The following CDH2 variants were observed in gnomAD, a reference collection of about 807,000 sequenced individuals.
The protein encoded by CDH2 is cadherin 2, also known as cadherin-2.
In CDH2, 17 loss-of-function variants were observed where a neutral mutation model predicts 92.0. The ratio of observed to expected loss-of-function variants is 0.18; its 90% CI spans 0.13 to 0.28. The LOEUF is 0.28. Among genes scored for constraint, CDH2 ranks in the 10% least tolerant of loss-of-function variants. The pLI is 1.00. For synonymous variants in CDH2, 419 were observed against 415.9 expected (o/e 1.01, Z -0.09); for missense variants, 862 against 1,133.1 (o/e 0.76, Z 3.44).
rs2012201335 is a variant in CDH2, at chr18:27,985,518, C to G, written c.1975+10G>C. ...CTGCACATATATTCAAATAATTAAC[C>G]TGTTCTTACCATTAAGCCGAGTGAT... On this transcript the variant is annotated intron_variant, in intron 12 of 15. Transcript: ENST00000269141. 1.3e-6 allele frequency: 2 copies of G among 1,549,004 alleles called. No homozygotes were observed. Among genetic ancestry groups the G allele is most frequent in the Non-Finnish European group, 1.8e-6 (2 of 1,123,214 alleles).
At chr18:27,958,333 A>G (rs994366507) in intron 15 of CDH2, among the ~76,000 whole-genome samples, 7 of 152,186 alleles carry the variant, frequency 4.6e-5, no homozygotes, top group African/African-American at 1.2e-4. Context: ...AGAAGCTTCC[A>G]TAAGTTTTAA....
intron 2 of CDH2, chr18:28,036,516 G>T: frequency 6.2e-7 from 1 of 1,607,412 alleles, no homozygotes; most frequent in Non-Finnish European, 8.5e-7. Flanking sequence ...ATTTCTCAGT[G>T]AAGATACACA....
At chr18:28,163,600 C>T (rs2016337115) in intron 1 of CDH2, among the ~76,000 whole-genome samples, 1 of 152,320 alleles carries the variant, frequency 6.6e-6, no homozygotes, top group African/African-American at 2.4e-5. Flanking sequence ...AAACTGAAAC[C>T]ACACACGCAA....
intron 10 of CDH2, 95 bp downstream of exon 10, chr18:27,990,002 A>G (rs764041076): frequency 2.5e-5 from 28 of 1,103,490 alleles, no homozygotes; most frequent in South Asian, 1.2e-4. Flanking sequence ...TTTGATTGCA[A>G]TGAAAATTTC....
chr18:27,950,361 T>A (rs1000141570), downstream of CDH2, among the ~76,000 whole-genome samples: 1 of 152,154 alleles, frequency 6.6e-6, no homozygotes, highest in Admixed American at 6.6e-5. Flanking sequence ...GAATGAATCA[T>A]AGTAAGATAC....
At chr18:27,998,817 G>A (rs985216269) in intron 7 of CDH2, among the ~76,000 whole-genome samples, 6 of 152,094 alleles carry the variant, frequency 3.9e-5, no homozygotes, top group East Asian at 1.9e-4. Flanking sequence ...ACAGGGTTTC[G>A]CCATGTGGCC....
At chr18:27,941,033 CTTTTTTT>C (rs59212895) in intron 6 of CDH2, among the ~76,000 whole-genome samples, 1 of 124,604 alleles carries the variant, frequency 8.0e-6, no homozygotes, top group African/African-American at 3.0e-5. Flanking sequence ...TAAGTAGCAC[CTTTTTTT>C]TTTTTTTTTT....
At position 28,033,446 on chromosome 18, in the gene CDH2, T is replaced by C. The variant is rs374084549; in HGVS notation, c.173-19537A>G. Among the ~76,000 whole-genome samples, 182 of 152,216 alleles carry C rather than the reference T, an allele frequency of 1.2e-3. 2 individuals carry two copies. The highest frequency in any genetic ancestry group is 4.2e-3 in the African/African-American group (173 of 41,562). On this transcript the variant is annotated intron_variant, in intron 2 of 15. Transcript: ENST00000269141. ...CACAAACTAAAGATCTAATTACTGATGCACACGAATTGGTTCACTGAATTT... is the reference window on the plus strand; with the variant it reads ...CACAAACTAAAGATCTAATTACTGACGCACACGAATTGGTTCACTGAATTT...
chr18:27,942,635 T>A (rs72894848), intron 6 of CDH2, among the ~76,000 whole-genome samples: 4 of 152,300 alleles, frequency 2.6e-5, no homozygotes, highest in Non-Finnish European at 4.4e-5. Context: ...CTATGCTGCA[T>A]AAAGAAACAG....
At chr18:28,010,874 T>A (rs2144031674) in intron 4 of CDH2, among the ~76,000 whole-genome samples, 1 of 151,210 alleles carries the variant, frequency 6.6e-6, no homozygotes, top group Middle Eastern at 3.5e-3. Context: ...ATGGTCTTGA[T>A]CTCCTGACCT....
In CDH2 at chr18:27,991,815, C is replaced by T. The variant is rs2012426081; in HGVS notation, c.1344+840G>A. Among the ~76,000 whole-genome samples, 4 of 152,294 alleles carry T rather than the reference C, an allele frequency of 2.6e-5. No individual in the cohort carries two copies. The South Asian group carries it at 8.3e-4, about 32-fold the overall frequency. ...ATTATTGGCAACTGGCACTTTAGCA[C>T]ATCTTTCTATGTAAGGTCAATATTT... On this transcript the variant is annotated intron_variant, in intron 9 of 15. Transcript: ENST00000269141.
chr18:28,083,918 T>C (rs2014878308), intron 2 of CDH2, among the ~76,000 whole-genome samples: 1 of 152,106 alleles, frequency 6.6e-6, no homozygotes, highest in African/African-American at 2.4e-5. Context: ...GGAGGGTAAG[T>C]ATTTTGGTTT....
chr18:28,134,224 T>G (rs988708137), intron 2 of CDH2, among the ~76,000 whole-genome samples: 11 of 150,434 alleles, frequency 7.3e-5, no homozygotes, highest in Admixed American at 6.6e-4. Flanking sequence ...GAGCCAAGAC[T>G]GTGCCACTGC....
Position 27,991,286 on chromosome 18 carries a change from G to A in CDH2, c.1345-936C>T, listed in dbSNP as rs17498085. On this transcript the variant is annotated intron_variant, in intron 9 of 15. Transcript: ENST00000269141. ...CATAATTGGTAGCCTAAGAATGATC[G>A]AGAGGTGACGCTCATAAGAAAGCTT... is the stretch of plus-strand genomic sequence containing the variant. 8.0e-4 allele frequency among the ~76,000 whole-genome samples: 122 copies of A among 152,288 alleles called. 2 individuals carry two copies. The East Asian group carries it at 0.02, about 25-fold the overall frequency.
intron 2 of CDH2, among the ~76,000 whole-genome samples, chr18:28,139,632 G>A (rs1165525985): frequency 6.6e-6 from 1 of 151,834 alleles, no homozygotes; most frequent in Non-Finnish European, 1.5e-5. Context: ...CCTTTCCTTT[G>A]AAACACTCCC....
intron 2 of CDH2, among the ~76,000 whole-genome samples, chr18:28,090,090 T>C (rs1042113763): frequency 2.6e-5 from 4 of 152,212 alleles, no homozygotes; most frequent in African/African-American, 9.6e-5. Context: ...AGTCTGGTGG[T>C]TCCTTTCCTT....
At chr18:28,135,759 G>A (rs12373275) in intron 2 of CDH2, among the ~76,000 whole-genome samples, 1 of 152,096 alleles carries the variant, frequency 6.6e-6, no homozygotes, top group Non-Finnish European at 1.5e-5. Context: ...AAAGAAATTA[G>A]GAGGACAAAT....
At chr18:28,173,171 C>G (rs2016489370) in intron 1 of CDH2, among the ~76,000 whole-genome samples, 2 of 152,172 alleles carry the variant, frequency 1.3e-5, no homozygotes, top group Non-Finnish European at 2.9e-5. Flanking sequence ...AAGGTTAGGG[C>G]AGACTTTGAT....
intron 5 of CDH2, among the ~76,000 whole-genome samples, chr18:28,008,891 G>A (rs1437982607): frequency 6.6e-6 from 1 of 152,148 alleles, no homozygotes; most frequent in Non-Finnish European, 1.5e-5. Context: ...TGTAGATGAT[G>A]GATCAATGGG....
Sources: allele counts gnomAD v4.1 joint callset (sites outside exome capture counted in the v4.1 genomes callset), GRCh38; gene constraint gnomAD v4.1.1; transcripts MANE v1.5; gene names NCBI Gene and HGNC (gene_info 2026-07-23, HGNC 2026-07-21).